SLC2A9: variants seen among roughly 807,000 people sequenced by gnomAD.
The protein encoded by SLC2A9 is solute carrier family 2, facilitated glucose transporter member 9.
SLC2A9 carries 39 observed loss-of-function variants against 50.6 expected under a neutral mutation model. That is an observed-to-expected ratio of 0.77 (90% CI 0.60 to 1.01). The LOEUF (loss-of-function observed/expected upper bound fraction) is 1.01. Among genes scored for constraint, SLC2A9 ranks in the 50% least tolerant of loss-of-function variants. SLC2A9 has a pLI of 0.00. For missense variants in SLC2A9, 686 were observed against 677.6 expected (o/e 1.01, Z -0.14); for synonymous variants, 324 against 276.9 (o/e 1.17, Z -1.69).
At position 9,980,629 on chromosome 4, in the gene SLC2A9, G is replaced by C. The variant is rs2109086479; in HGVS notation, c.644C>G (p.Thr215Ser). Residue 215 changes from threonine (T) to serine (S), a missense_variant, in exon 5 of 12, where the codon ACT becomes AGT. Physicochemically the swap from Thr to Ser is moderately conservative, Grantham distance 58. Coordinates refer to ENST00000264784, the MANE Select transcript of SLC2A9 (RefSeq NM_020041.3). ...CTCGGGCAGGCCCAGAAGCTGCCCA[G>C]TGAACACGCCAATGCAGATAAAGAT... is the stretch of plus-strand genomic sequence containing the variant. ...TAIFICIGVFTGQLLGLPELL... is the reference protein window; with the variant it reads ...TAIFICIGVFSGQLLGLPELL... 1.9e-6 allele frequency: 3 copies of C among 1,614,184 alleles called. No individual in the cohort carries two copies. The South Asian group carries it at 3.3e-5, about 18-fold the overall frequency.
At chr4:9,897,471 T>TA (rs888952500) in intron 8 of SLC2A9, among the ~76,000 whole-genome samples, 29 of 152,066 alleles carry the variant, frequency 1.9e-4, no homozygotes, top group Non-Finnish European at 3.2e-4. Context: ...GTGATTCAGT[T>TA]AAAAAAATGT....
upstream of SLC2A9, among the ~76,000 whole-genome samples, chr4:10,023,680 G>T (rs1415466412): frequency 6.6e-6 from 1 of 152,244 alleles, no homozygotes; most frequent in Non-Finnish European, 1.5e-5. Context: ...CACAGCACTT[G>T]CCTCACCTTC....
intron 8 of SLC2A9, among the ~76,000 whole-genome samples, chr4:9,900,975 G>T (rs778070100): frequency 8.5e-5 from 13 of 152,336 alleles, no homozygotes; most frequent in Middle Eastern, 6.8e-3. Context: ...TTTGGGTGGG[G>T]ACACAGAGCC....
chr4:9,932,151 C>T (rs1310321328), intron 6 of SLC2A9, among the ~76,000 whole-genome samples: 3 of 151,352 alleles, frequency 2.0e-5, no homozygotes, highest in Non-Finnish European at 4.4e-5. Context: ...TTCTCCATGC[C>T]TGCTTCTCCT....
intron 5 of SLC2A9, among the ~76,000 whole-genome samples, chr4:9,967,513 A>C (rs1482019368): frequency 1.3e-5 from 2 of 152,014 alleles, no homozygotes; most frequent in African/African-American, 4.8e-5. Flanking sequence ...CTTTATGTAA[A>C]ATGTACCAAA....
intron 10 of SLC2A9, among the ~76,000 whole-genome samples, chr4:9,844,688 C>G (rs1728669000): frequency 6.6e-6 from 1 of 152,230 alleles, no homozygotes; most frequent in Non-Finnish European, 1.5e-5. Flanking sequence ...CGACAGCGCC[C>G]TGGTGTCTAC....
chr4:9,953,171 A>G (rs1045440217), intron 5 of SLC2A9, among the ~76,000 whole-genome samples: 8 of 152,172 alleles, frequency 5.3e-5, no homozygotes, highest in African/African-American at 1.9e-4. Context: ...AACTGGGCAA[A>G]GTGGGGCAAG....
At chr4:10,002,103 G>C (rs1759935043) in intron 2 of SLC2A9, among the ~76,000 whole-genome samples, 1 of 152,240 alleles carries the variant, frequency 6.6e-6, no homozygotes, top group South Asian at 2.1e-4. Context: ...GCAATGTCCT[G>C]TGCCAGCGGT....
rs71179491 is a variant in SLC2A9 at position 9,772,825 on chromosome 4, A to ATTT, written n.182-1459_182-1457dup. On this transcript the variant is annotated intron_variant and non_coding_transcript_variant, in intron 1 of 1. Coordinates refer to the SLC2A9 transcript ENST00000508585. ...GGGATGCCATTTTATTTTTTTTTTTATTTTTTTTTTATTATACTCTAAGTT... is the reference window on the plus strand; with the variant it reads ...GGGATGCCATTTTATTTTTTTTTTTATTTTTTTTTTTTTATTATACTCTAAGTT... Among the ~76,000 whole-genome samples, 8 of 147,882 alleles carry ATTT rather than the reference A, an allele frequency of 5.4e-5. No homozygotes were observed. In the East Asian group the frequency reaches 9.9e-4, roughly 18 times the overall value.
At chr4:9,772,778 TA>T (rs1414413690) in intron 1 of SLC2A9, among the ~76,000 whole-genome samples, 3 of 152,184 alleles carry the variant, frequency 2.0e-5, no homozygotes, top group Non-Finnish European at 4.4e-5. Context: ...TTACCCATGA[TA>T]TCTCTTCATA....
At chr4:10,026,102 T>C (rs1763742858), upstream of SLC2A9, 3 of 821,924 alleles carry the variant, frequency 3.6e-6, no homozygotes, top group Non-Finnish European at 6.1e-6. Flanking sequence ...AAAGGTTTGC[T>C]GTGAGGAGCT....
intron 2 of SLC2A9, among the ~76,000 whole-genome samples, chr4:10,003,953 G>A (rs1430147657): frequency 1.3e-5 from 2 of 152,146 alleles, no homozygotes; most frequent in Admixed American, 6.5e-5. Context: ...GGCAGATGTG[G>A]TATCTGAGCC....
At chr4:9,843,975 T>C (rs1728508672) in intron 10 of SLC2A9, among the ~76,000 whole-genome samples, 2 of 152,014 alleles carry the variant, frequency 1.3e-5, no homozygotes, top group African/African-American at 4.8e-5. Context: ...GCACATGCAC[T>C]GTGGAAAAGG....
chr4:9,857,223 G>A (rs1730872180), intron 10 of SLC2A9, among the ~76,000 whole-genome samples: 2 of 152,304 alleles, frequency 1.3e-5, no homozygotes, highest in Admixed American at 6.5e-5. Flanking sequence ...ACTCATTCCT[G>A]TGATTTGAGG....
At chr4:10,006,576 C>T (rs1424212521) in intron 2 of SLC2A9, 3 of 151,972 alleles carry the variant, frequency 2.0e-5, no homozygotes, top group African/African-American at 7.2e-5. Flanking sequence ...AACAAAATTC[C>T]ACAATCCCAG....
intron 10 of SLC2A9, among the ~76,000 whole-genome samples, chr4:9,855,975 A>G (rs1434974222): frequency 6.6e-6 from 1 of 152,252 alleles, no homozygotes; most frequent in East Asian, 1.9e-4. Flanking sequence ...TATGGATCAA[A>G]GACTTAAATG....
chr4:9,861,378 T>C (rs955952320), intron 10 of SLC2A9, among the ~76,000 whole-genome samples: 2 of 152,092 alleles, frequency 1.3e-5, no homozygotes, highest in African/African-American at 4.8e-5. Context: ...ACAGGGGGGA[T>C]GGTGCTAAAC....
intron 10 of SLC2A9, among the ~76,000 whole-genome samples, chr4:9,851,017 A>G (rs1179083056): frequency 6.9e-6 from 1 of 144,890 alleles, no homozygotes; most frequent in Non-Finnish European, 1.5e-5. Context: ...GCCATTCATC[A>G]CTGGTGCAGC....
chr4:9,941,977 G>C lies in SLC2A9; in HGVS notation c.750C>G (p.Pro250=). The change falls in exon 6 of 12, where the codon CCC becomes CCG. Residue 250 remains proline (P), a synonymous_variant. Coordinates refer to ENST00000264784, the MANE Select transcript of SLC2A9 (RefSeq NM_020041.3). ...GGTAGCGTGGGCTGTCCGGGAGAAA[G>C]GGAAGGCTCAGCAGCTGGACAACGG... The part of the protein sequence containing the change: ...VPAVVQLLSL[P]FLPDSPRYLL... The C allele has an allele frequency of 1.9e-6, 3 of 1,614,202 alleles. No homozygotes were observed. The highest frequency in any genetic ancestry group is 2.2e-5 in the East Asian group (1 of 44,878).
Sources: allele counts gnomAD v4.1 joint callset (sites outside exome capture counted in the v4.1 genomes callset), GRCh38; gene constraint gnomAD v4.1.1; transcripts MANE v1.5; gene names NCBI Gene and HGNC (gene_info 2026-07-23, HGNC 2026-07-21).